NRG1: variants seen among roughly 807,000 people sequenced by gnomAD.
NRG1 encodes the protein pro-neuregulin-1, membrane-bound isoform.
A neutral mutation model predicts 63.8 loss-of-function variants in NRG1; 18 were observed. That is an observed-to-expected ratio of 0.28 (90% CI 0.19 to 0.42). The LOEUF (loss-of-function observed/expected upper bound fraction) is 0.42, where lower values mean the gene tolerates loss of function less well. Ranked by LOEUF, NRG1 falls within the 10% of genes least tolerant of loss-of-function variation. The pLI, the probability that NRG1 is intolerant of heterozygous loss-of-function variation, is 1.00. For synonymous variants in NRG1, 302 were observed against 301.3 expected (o/e 1.00, Z -0.02); for missense variants, 762 against 814.7 (o/e 0.94, Z 0.79).
intron 1 of NRG1, among the ~76,000 whole-genome samples, chr8:31,960,277 C>A (rs1037439931): frequency 5.9e-5 from 9 of 152,212 alleles, no homozygotes; most frequent in African/African-American, 2.2e-4. Context: ...TCTAGGCTAT[C>A]CTTTATGAGG....
chr8:32,297,005 C>T (rs996748406), intron 1 of NRG1, among the ~76,000 whole-genome samples: 2 of 152,004 alleles, frequency 1.3e-5, no homozygotes, highest in Non-Finnish European at 2.9e-5. Context: ...GTCCCAACTA[C>T]TCCGGAAGCT....
At chr8:31,798,485 T>G (rs1821448324) in intron 1 of NRG1, among the ~76,000 whole-genome samples, 1 of 152,216 alleles carries the variant, frequency 6.6e-6, no homozygotes, top group Non-Finnish European at 1.5e-5. Context: ...TCTTTGCCTT[T>G]GACTGATTTG....
At chr8:32,595,931 C>T (rs1843271512) in exon 2 of NRG1, 1 of 1,613,598 alleles carries the variant, frequency 6.2e-7, no homozygotes, top group Non-Finnish European at 8.5e-7. Context: ...CTCTCAGATT[C>T]AAGTGGTTCA....
chr8:32,674,605 A>T (rs976791604), intron 5 of NRG1, among the ~76,000 whole-genome samples: 1 of 152,246 alleles, frequency 6.6e-6, no homozygotes, highest in Non-Finnish European at 1.5e-5. Context: ...TATAAAAAGC[A>T]AAGAATTTTA....
rs368184615 is a variant in NRG1 at position 32,659,884 on chromosome 8, A to T, written c.502+42999A>T. Among the ~76,000 whole-genome samples, 10 of 151,710 alleles carry T rather than the reference A, an allele frequency of 6.6e-5. No individual in the cohort carries two copies. The South Asian group carries it at 2.1e-3, about 32-fold the overall frequency. On this transcript the variant is annotated intron_variant, in intron 5 of 11. Transcript: ENST00000356819. ...TCCCAAATTCTACTTAGGCCTCAAG[A>T]CTCACCTCTCCAAATTAGATGATGG...
chr8:32,085,512 G>A (rs192801842), intron 1 of NRG1, among the ~76,000 whole-genome samples: 1 of 152,300 alleles, frequency 6.6e-6, no homozygotes, highest in African/African-American at 2.4e-5. Context: ...AATGCCTTCA[G>A]AAGAATAAAG....
chr8:31,810,478 C>T (rs879177453), intron 1 of NRG1, among the ~76,000 whole-genome samples: 18 of 152,130 alleles, frequency 1.2e-4, no homozygotes, highest in Admixed American at 1.2e-3. Context: ...TCATTGTTCA[C>T]TGTGTTTCAG....
At chr8:32,659,221 C>T (rs929188839) in intron 5 of NRG1, among the ~76,000 whole-genome samples, 10 of 151,350 alleles carry the variant, frequency 6.6e-5, no homozygotes, top group Admixed American at 5.9e-4. Context: ...CTTGGCTCAC[C>T]GCAACCTCCA....
At chr8:32,067,331 T>C (rs1016042407) in intron 1 of NRG1, among the ~76,000 whole-genome samples, 2 of 152,204 alleles carry the variant, frequency 1.3e-5, no homozygotes, top group Non-Finnish European at 1.5e-5. Flanking sequence ...GGATTTGTCA[T>C]AGACAGCGCT....
At chr8:32,648,337 C>G (rs759334113) in intron 5 of NRG1, 2 of 1,614,134 alleles carry the variant, frequency 1.2e-6, no homozygotes, top group Non-Finnish European at 1.7e-6. Flanking sequence ...AAGTCAGCAA[C>G]TCAGCCACAA....
chr8:32,191,452 T>C (rs1395328364), intron 1 of NRG1, among the ~76,000 whole-genome samples: 1 of 152,180 alleles, frequency 6.6e-6, no homozygotes, highest in African/African-American at 2.4e-5. Context: ...CACCCTACAA[T>C]GAGTTTCTTA....
intron 1 of NRG1, among the ~76,000 whole-genome samples, chr8:31,667,170 C>T (rs1407988878): frequency 2.6e-5 from 4 of 152,160 alleles, no homozygotes; most frequent in African/African-American, 9.7e-5. Flanking sequence ...TGCAAAGACT[C>T]AACCAGTCAA....
At chr8:32,610,528 C>T (rs1008547324) in intron 3 of NRG1, among the ~76,000 whole-genome samples, 3 of 152,136 alleles carry the variant, frequency 2.0e-5, no homozygotes, top group Middle Eastern at 3.4e-3. Context: ...TAAATATAAA[C>T]GAAATGATTA....
At chr8:32,398,345 T>C (rs12114401) in intron 1 of NRG1, among the ~76,000 whole-genome samples, 54,332 of 151,608 alleles carry the variant, frequency 0.36, 10,277 homozygotes, top group Middle Eastern at 0.43. Flanking sequence ...CACTCTGTTT[T>C]TATTTATTGT....
At chr8:32,418,097 G>GT (rs919180087) in intron 1 of NRG1, among the ~76,000 whole-genome samples, 8 of 152,022 alleles carry the variant, frequency 5.3e-5, no homozygotes, top group Non-Finnish European at 7.4e-5. Context: ...TATACTAAAT[G>GT]TTTTTGAAGC....
intron 1 of NRG1, among the ~76,000 whole-genome samples, chr8:32,136,255 A>C (rs1266532393): frequency 6.6e-6 from 1 of 152,182 alleles, no homozygotes; most frequent in South Asian, 2.1e-4. Flanking sequence ...CCTTAAGCGC[A>C]TGGTTCCTCT....
chr8:32,281,531 C>A (rs1852847847), intron 1 of NRG1, among the ~76,000 whole-genome samples: 1 of 152,064 alleles, frequency 6.6e-6, no homozygotes, highest in African/African-American at 2.4e-5. Context: ...GTAGCCTCCC[C>A]CCAACAGTGT....
intron 1 of NRG1, among the ~76,000 whole-genome samples, chr8:31,685,614 T>C (rs1270179790): frequency 6.6e-6 from 1 of 152,188 alleles, no homozygotes; most frequent in African/African-American, 2.4e-5. Context: ...TAGGACATGT[T>C]CATTATCCCA....
At chr8:32,645,535 T>C (rs1853339902) in intron 5 of NRG1, among the ~76,000 whole-genome samples, 1 of 152,220 alleles carries the variant, frequency 6.6e-6, no homozygotes, top group Non-Finnish European at 1.5e-5. Context: ...ATAATATTCT[T>C]ATCTCCTGCC....
Sources: gnomAD v4.1 joint callset for allele counts (sites outside exome capture counted in the v4.1 genomes callset) on GRCh38, gnomAD v4.1.1 for gene constraint, MANE v1.5 for transcripts, NCBI Gene and HGNC (gene_info 2026-07-23, HGNC 2026-07-21) for gene names.